Variants in FAM20C observed in about 807,000 individuals in gnomAD.
The protein encoded by FAM20C is FAM20C golgi associated secretory pathway kinase.
In FAM20C, 40 loss-of-function variants were observed where a neutral mutation model predicts 51.5. The observed-to-expected ratio is 0.78, with a 90% CI of 0.60 to 1.01. The LOEUF is 1.01. Ranked by LOEUF, FAM20C falls within the 50% of genes least tolerant of loss-of-function variation. The pLI is 0.00. For synonymous variants in FAM20C, 406 were observed against 380.6 expected (o/e 1.07, Z -0.78); for missense variants, 861 against 844.7 (o/e 1.02, Z -0.24).
intron 3 of FAM20C, chr7:228,069 C>T (rs1787512160): frequency 4.3e-6 from 1 of 231,404 alleles, no homozygotes; most frequent in South Asian, 6.8e-5. Context: ...GTTCTGAAGC[C>T]CTTTAGCCGC....
chr7:207,765 C>T (rs1158045181), intron 2 of FAM20C, among the ~76,000 whole-genome samples: 2 of 152,272 alleles, frequency 1.3e-5, no homozygotes, highest in African/African-American at 4.8e-5. Flanking sequence ...GACAATCTCC[C>T]ATCTCGGGCG....
intron 2 of FAM20C, among the ~76,000 whole-genome samples, chr7:198,514 C>T (rs1338309844): frequency 6.6e-6 from 1 of 152,194 alleles, no homozygotes; most frequent in East Asian, 1.9e-4. Flanking sequence ...CCTGATTTTT[C>T]TCTGTTACAT....
chr7:218,290 G>T (rs1408440376), intron 3 of FAM20C, among the ~76,000 whole-genome samples: 1 of 152,184 alleles, frequency 6.6e-6, no homozygotes, highest in East Asian at 1.9e-4. Flanking sequence ...GCAGGCCTGG[G>T]CTCAGCACTT....
intron 3 of FAM20C, among the ~76,000 whole-genome samples, chr7:231,371 C>T (rs925778059): frequency 1.7e-4 from 26 of 151,882 alleles, no homozygotes; most frequent in Non-Finnish European, 3.1e-4. Context: ...AGGGTCCCGG[C>T]GTGGAGGACT....
intron 3 of FAM20C, among the ~76,000 whole-genome samples, chr7:217,104 A>G (rs1436647561): frequency 6.6e-6 from 1 of 152,140 alleles, no homozygotes; most frequent in East Asian, 1.9e-4. Flanking sequence ...AAGGGGCCCA[A>G]GAGGAGGATG....
At chr7:196,506 C>T (rs960180017) in intron 2 of FAM20C, among the ~76,000 whole-genome samples, 5 of 152,166 alleles carry the variant, frequency 3.3e-5, no homozygotes, top group Non-Finnish European at 7.3e-5. Context: ...AGCAGCTGCT[C>T]CCCGGGGATT....
At chr7:255,331 G>A (rs930469697) in intron 5 of FAM20C, among the ~76,000 whole-genome samples, 2 of 152,190 alleles carry the variant, frequency 1.3e-5, no homozygotes, top group Non-Finnish European at 2.9e-5. Flanking sequence ...GGTGACTCAC[G>A]ATGGCGCCCG....
At chr7:241,976 T>C (rs1787961957) in intron 3 of FAM20C, among the ~76,000 whole-genome samples, 1 of 152,156 alleles carries the variant, frequency 6.6e-6, no homozygotes, top group African/African-American at 2.4e-5. Flanking sequence ...TGGTTAGAAC[T>C]AAACCACTCA....
At chr7:232,004 C>T (rs116687463) in intron 3 of FAM20C, among the ~76,000 whole-genome samples, 1,906 of 152,322 alleles carry the variant, frequency 0.013, 48 homozygotes, top group African/African-American at 0.044. Flanking sequence ...GCCGCCGACC[C>T]GGCATCCGTT....
intron 3 of FAM20C, among the ~76,000 whole-genome samples, chr7:236,883 G>GTTTTCATGCGGAGGTGAGGCGGGTGCC (rs1787865944): frequency 2.0e-5 from 3 of 152,080 alleles, no homozygotes; most frequent in African/African-American, 7.2e-5. Context: ...TGGCTGTCGG[G>GTTTTCATGCGGAGGTGAGGCGGGTGCC]CTCATCTGGA....
At chr7:206,655 C>T (rs372500218) in intron 2 of FAM20C, among the ~76,000 whole-genome samples, 8 of 92,002 alleles carry the variant, frequency 8.7e-5, no homozygotes, top group African/African-American at 2.2e-4. Flanking sequence ...TCCACTGTGA[C>T]GCGTCGGTCA....
chr7:211,092 G>A (rs182915416), intron 3 of FAM20C, among the ~76,000 whole-genome samples: 43 of 151,312 alleles, frequency 2.8e-4, no homozygotes, highest in African/African-American at 4.6e-4. Flanking sequence ...CAGGGTGCGC[G>A]ACCTACCCTC....
chr7:213,870 G>GA (rs1174840477), intron 3 of FAM20C, among the ~76,000 whole-genome samples: 1 of 152,120 alleles, frequency 6.6e-6, no homozygotes, highest in Non-Finnish European at 1.5e-5. Flanking sequence ...TGGGGGTGGA[G>GA]GGGGGTTTTG....
chr7:256,616 C>T (rs1228710899), intron 6 of FAM20C, 38 bp from the exon 7 acceptor site: 3 of 1,495,684 alleles, frequency 2.0e-6, no homozygotes, highest in Admixed American at 2.0e-5. Flanking sequence ...TCCCCAGAAT[C>T]TGGCCTGGGC....
Position 192,993 on chromosome 7 carries a change from G to A in FAM20C, c.-207G>A, listed in dbSNP as rs1219140009. ...CGCGGCCGCTCCGGAGAGGCCGAGC[G>A]GGGACGGGCCCGAGATGGCGCGGGG... is the stretch of plus-strand genomic sequence containing the variant. On this transcript the variant is annotated 5_prime_UTR_variant, in exon 1 of 10. Coordinates refer to ENST00000313766, the MANE Select transcript of FAM20C (RefSeq NM_020223.4). The A allele has an allele frequency of 1.4e-5, 3 of 211,580 alleles. No homozygotes were observed. The highest frequency in any genetic ancestry group is 2.4e-5 in the African/African-American group (1 of 42,408). 13.1% of individuals were successfully genotyped at this position (211,580 alleles called of 1,614,324 possible).
chr7:255,190 G>A (rs918422258), intron 5 of FAM20C, among the ~76,000 whole-genome samples: 6 of 152,174 alleles, frequency 3.9e-5, no homozygotes, highest in African/African-American at 9.7e-5. Flanking sequence ...TGGCTGTGCC[G>A]TGTGCACCCC....
At chr7:218,003 G>A (rs530981627) in intron 3 of FAM20C, among the ~76,000 whole-genome samples, 41 of 152,238 alleles carry the variant, frequency 2.7e-4, no homozygotes, top group African/African-American at 9.6e-4. Context: ...CGTCCCCGTC[G>A]GCCCCGGGAT....
At position 207,567 on chromosome 7, in the gene FAM20C, C is replaced by G. The variant is rs150671053; in HGVS notation, c.785-1331C>G. 2.6e-3 allele frequency among the ~76,000 whole-genome samples: 398 copies of G among 152,334 alleles called. 3 individuals are homozygous for G. The highest frequency in any genetic ancestry group is 9.2e-3 in the African/African-American group (383 of 41,582). ...GGGCCCCCGCCCCGCTTCCCTCTTC[C>G]CCTTTGCACCGGAGCAGTCGCATAT... On this transcript the variant is annotated intron_variant, in intron 2 of 9. Coordinates refer to ENST00000313766, the MANE Select transcript of FAM20C (RefSeq NM_020223.4).
rs763127496 is a variant in FAM20C, at chr7:260,095, G to T, written c.*115G>T. ...CAGAGGCAGGACGGGATCATCCGGA[G>T]TCGGGAGCTGCTGCCACAGGAGGCG... On this transcript the variant is annotated 3_prime_UTR_variant, in exon 10 of 10. Transcript: ENST00000313766. 760 of 1,346,922 alleles carry T rather than the reference G, an allele frequency of 5.6e-4. No homozygotes were observed. The highest frequency in any genetic ancestry group is 7.1e-4 in the Non-Finnish European group (729 of 1,033,774). The allele number at this position is 1,346,922 out of a possible 1,614,324, so 83.4% of individuals were successfully genotyped here. A position where few individuals can be genotyped will look rare whatever the true frequency, so the allele number is the denominator to read the frequency against.
Sources: allele counts gnomAD v4.1 joint callset (sites outside exome capture counted in the v4.1 genomes callset), GRCh38; gene constraint gnomAD v4.1.1; transcripts MANE v1.5; gene names NCBI Gene and HGNC (gene_info 2026-07-23, HGNC 2026-07-21).